The following NUP210 variants were observed in gnomAD, a reference collection of about 807,000 sequenced individuals.
NUP210 encodes nucleoporin 210.
In NUP210, 151 loss-of-function variants were observed where a neutral mutation model predicts 196.0. The ratio of observed to expected loss-of-function variants is 0.77; its 90% confidence interval spans 0.67 to 0.88. The LOEUF (loss-of-function observed/expected upper bound fraction) is 0.88. NUP210 is among the 40% of genes least tolerant of loss of function. The pLI is 0.00. For synonymous variants in NUP210, 1,070 were observed against 1,052.7 expected, an observed-to-expected ratio of 1.02 and a Z score of -0.32; for missense variants, 2,314 against 2,493.7, an observed-to-expected ratio of 0.93 and a Z score of 1.53.
Position 13,386,388 on chromosome 3 carries a change from A to G in NUP210, c.704T>C (p.Val235Ala), listed in dbSNP as rs1699276081. Residue 235 changes from valine to alanine, a missense_variant, in exon 6 of 40, where the codon GTC (valine) becomes GCC (alanine). Transcript: ENST00000254508. ...AVYKNVRPAEVRLLILENILL... is the reference protein window; with the variant it reads ...AVYKNVRPAEARLLILENILL... Reference sequence around the variant, plus strand: ...GATGTTTTCCAAAATCAGCAGCCTGACTTCTGCAGGGCGTACATTCTTGGC... The same window carrying G: ...GATGTTTTCCAAAATCAGCAGCCTGGCTTCTGCAGGGCGTACATTCTTGGC... The G allele has an allele frequency of 6.2e-7, 1 of 1,614,026 alleles. No homozygotes were observed. Among genetic ancestry groups the G allele is most frequent in the Admixed American group, 1.7e-5 (1 of 59,982 alleles).
intron 4 of NUP210, among the ~76,000 whole-genome samples, chr3:13,389,012 C>T (rs1206187305): frequency 1.3e-5 from 2 of 152,256 alleles, no homozygotes; most frequent in Non-Finnish European, 2.9e-5. Context: ...CGTGGTGTAG[C>T]CTGGAGTGTG....
chr3:13,356,446 C>T (rs538864957), intron 16 of NUP210, among the ~76,000 whole-genome samples: 2 of 152,158 alleles, frequency 1.3e-5, no homozygotes, highest in Non-Finnish European at 2.9e-5. Context: ...AGTTTGAGAC[C>T]AGCCTGACCA....
In NUP210 at chr3:13,339,893, T is replaced by C. The variant is rs1269275508; in HGVS notation, c.3432A>G (p.Ala1144=). Residue 1144 remains alanine, a synonymous_variant, in exon 25 of 40, where the codon GCA becomes GCG. Coordinates refer to ENST00000254508, the MANE Select transcript of NUP210 (RefSeq NM_024923.4). The stretch of plus-strand genomic sequence containing the variant: ...CCACCTTGCCGGTCTCTGCATCCAC[T>C]GCCTGCACGAGCCCAGACACAGTGC... ...GNGTVSGLVQ[A]VDAETGKVVI... 6.2e-7 allele frequency: 1 copy of C among 1,613,986 alleles called. No individual in the cohort carries two copies. The highest frequency in any genetic ancestry group is 1.1e-5 in the South Asian group (1 of 91,082).
chr3:13,343,400 C>T, intron 20 of NUP210, 97 bp from the exon 21 acceptor site: 1 of 1,446,678 alleles, frequency 6.9e-7, no homozygotes, highest in Non-Finnish European at 9.3e-7. Context: ...TCGCCCTCAG[C>T]ACCAGCCTAT....
chr3:13,336,384 T>C (rs761268682), intron 27 of NUP210, among the ~76,000 whole-genome samples: 4 of 152,198 alleles, frequency 2.6e-5, no homozygotes, highest in East Asian at 1.9e-4. Flanking sequence ...GTAGTCTCCC[T>C]GGCACCTTCC....
At chr3:13,370,767 G>A (rs566387963) in intron 13 of NUP210, among the ~76,000 whole-genome samples, 6 of 152,362 alleles carry the variant, frequency 3.9e-5, no homozygotes, top group Admixed American at 3.3e-4. Flanking sequence ...AGCTCTGCAC[G>A]TAATTACAGC....
intron 3 of NUP210, 59 bp from the exon 4 acceptor site, chr3:13,391,366 A>G: frequency 8.8e-7 from 1 of 1,131,374 alleles, no homozygotes; most frequent in Non-Finnish European, 1.3e-6. Context: ...GGGTGGAGGG[A>G]GGCGTGATGG....
chr3:13,327,066 G>C, intron 32 of NUP210, 151 bp downstream of exon 32: 1 of 629,706 alleles, frequency 1.6e-6, no homozygotes, highest in South Asian at 2.0e-5. Flanking sequence ...TCTGGTCTCC[G>C]GGCAGCAGTT....
intron 1 of NUP210, among the ~76,000 whole-genome samples, chr3:13,400,227 G>A (rs1699789742): frequency 6.6e-6 from 1 of 152,176 alleles, no homozygotes; most frequent in East Asian, 1.9e-4. Flanking sequence ...GATCCCATGA[G>A]GGACACGTTG....
chr3:13,385,056 A>AC (rs1191117088), intron 6 of NUP210, among the ~76,000 whole-genome samples: 1 of 151,792 alleles, frequency 6.6e-6, no homozygotes, highest in Non-Finnish European at 1.5e-5. Flanking sequence ...TTCAACTAGG[A>AC]CCCCCTTGCC....
At chr3:13,362,258 C>T (rs1698396441) in intron 14 of NUP210, among the ~76,000 whole-genome samples, 1 of 152,182 alleles carries the variant, frequency 6.6e-6, no homozygotes, top group Non-Finnish European at 1.5e-5. Flanking sequence ...GTCATGCTAG[C>T]TCTCTGGGTT....
Position 13,343,155 on chromosome 3 carries a change from G to A in NUP210, c.2964+20C>T, listed in dbSNP as rs751554300. ...CCTGCAGGTCAGCCGAGGGTGCCCCGTCATGAAGCTTCCACTGACCTTGTC... is the reference window on the plus strand; with the variant it reads ...CCTGCAGGTCAGCCGAGGGTGCCCCATCATGAAGCTTCCACTGACCTTGTC... On this transcript the variant is annotated intron_variant, in intron 21 of 39. Coordinates refer to ENST00000254508, the MANE Select transcript of NUP210 (RefSeq NM_024923.4). 11 of 1,613,514 alleles carry A rather than the reference G, an allele frequency of 6.8e-6. No homozygotes were observed. Among genetic ancestry groups the A allele is most frequent in the East Asian group, 2.2e-5 (1 of 44,884 alleles).
chr3:13,399,965 C>T, intron 1 of NUP210, 104 bp from the exon 2 acceptor site: 1 of 1,374,346 alleles, frequency 7.3e-7, no homozygotes, highest in Non-Finnish European at 9.8e-7. Flanking sequence ...AGTCCTGGAC[C>T]CAAAGACAGA....
In NUP210 at chr3:13,316,277, G is replaced by A. The variant is rs533076822; in HGVS notation, c.*1404C>T. ...ACTTTATTAAATAAACCAGTAGAAA[G>A]GCTCCTATTTACATCCAGGTTGTCA... On this transcript the variant is annotated 3_prime_UTR_variant, in exon 40 of 40. Transcript: ENST00000254508. 5 of 152,332 alleles carry A rather than the reference G, an allele frequency of 3.3e-5. No homozygotes were observed. The South Asian group carries it at 6.2e-4, about 19-fold the overall frequency. 9.4% of individuals were successfully genotyped at this position (152,332 alleles called of 1,614,324 possible).
intron 32 of NUP210, 101 bp downstream of exon 32, chr3:13,327,116 A>G: frequency 1.2e-6 from 1 of 838,000 alleles, no homozygotes; most frequent in Non-Finnish European, 1.8e-6. Flanking sequence ...GTCTGCCTGT[A>G]GGCCCCCGTG....
At chr3:13,365,435 C>T (rs1047615741) in intron 14 of NUP210, among the ~76,000 whole-genome samples, 1 of 152,178 alleles carries the variant, frequency 6.6e-6, no homozygotes, top group Non-Finnish European at 1.5e-5. Flanking sequence ...CCGCACAGGC[C>T]GTGGCCACCA....
At chr3:13,366,853 G>A (rs184308700) in intron 13 of NUP210, among the ~76,000 whole-genome samples, 63 of 151,790 alleles carry the variant, frequency 4.2e-4, no homozygotes, top group Middle Eastern at 3.4e-3. Flanking sequence ...AGCCAGGCAC[G>A]GTGGCTCACG....
intron 20 of NUP210, among the ~76,000 whole-genome samples, chr3:13,349,103 C>T (rs1389152516): frequency 8.2e-6 from 1 of 122,528 alleles, no homozygotes; most frequent in Non-Finnish European, 1.6e-5. Context: ...TGGGATGATT[C>T]CAAGGGCAAC....
Position 13,350,477 on chromosome 3 carries a change from CAAAAA to C in NUP210, c.2835+1397_2835+1401del, listed in dbSNP as rs71973199. ...CAAAACAAAACAAAACAAAACAAAA[CAAAAA>C]ACAAAACAAAACAGGAAAACATGAC... On this transcript the variant is annotated intron_variant, in intron 20 of 39. Transcript: ENST00000254508. The surrounding 1 kb of genome is among the most constrained non-coding windows in gnomAD (Gnocchi z 4.1). Among the ~76,000 whole-genome samples the C allele has an allele frequency of 7.0e-5, 4 of 57,268 alleles. No homozygotes were observed. Among genetic ancestry groups the C allele is most frequent in the South Asian group, 4.0e-4 (1 of 2,522 alleles). The allele number at this position is 57,268 out of a possible 152,430, so 37.6% of individuals were successfully genotyped here.
Sources: allele counts gnomAD v4.1 joint callset (sites outside exome capture counted in the v4.1 genomes callset), GRCh38; gene constraint gnomAD v4.1.1; non-coding constraint Gnocchi (gnomAD v3.1); transcripts MANE v1.5; gene names NCBI Gene and HGNC (gene_info 2026-07-23, HGNC 2026-07-21).